The following SLC9B1 variants were observed in gnomAD, a reference collection of about 807,000 sequenced individuals.
The protein encoded by SLC9B1 is solute carrier family 9 member B1, also known as sodium/hydrogen exchanger 9B1.
Under a neutral mutation model 51.7 loss-of-function variants are expected in SLC9B1, and 32 were observed. The observed-to-expected ratio is 0.62, with a 90% CI of 0.47 to 0.83. SLC9B1 has a LOEUF of 0.83. Among genes scored for constraint, SLC9B1 ranks in the 40% least tolerant of loss-of-function variants. The pLI, the probability that SLC9B1 is intolerant of heterozygous loss-of-function variation, is 0.00. For missense variants in SLC9B1, 406 were observed against 613.2 expected (o/e 0.66, Z 3.57); for synonymous variants, 145 against 212.7 (o/e 0.68, Z 2.77).
At chr4:102,925,489 C>T (rs977832426) in intron 7 of SLC9B1, among the ~76,000 whole-genome samples, 1 of 151,906 alleles carries the variant, frequency 6.6e-6, no homozygotes, top group African/African-American at 2.4e-5. Context: ...CAATATGGCA[C>T]ATGTATGCAT....
intron 3 of SLC9B1, among the ~76,000 whole-genome samples, chr4:102,963,769 A>C (rs1280868091): frequency 6.6e-6 from 1 of 152,244 alleles, no homozygotes; most frequent in Non-Finnish European, 1.5e-5. Flanking sequence ...CTTAAAATAC[A>C]AAAAACCAAT....
intron 1 of SLC9B1, among the ~76,000 whole-genome samples, chr4:103,002,663 T>C (rs1187888630): frequency 1.3e-5 from 2 of 152,198 alleles, no homozygotes; most frequent in Non-Finnish European, 2.9e-5. Context: ...AAATAGCCCA[T>C]TGGAAATCAA....
chr4:102,980,962 G>C (rs1473840102), intron 3 of SLC9B1, among the ~76,000 whole-genome samples: 2 of 152,004 alleles, frequency 1.3e-5, no homozygotes, highest in African/African-American at 4.8e-5. Context: ...ATACAAAATA[G>C]TTTCACTGCC....
intron 1 of SLC9B1, among the ~76,000 whole-genome samples, chr4:102,994,642 A>G (rs1238476114): frequency 2.6e-5 from 4 of 152,134 alleles, no homozygotes; most frequent in Non-Finnish European, 5.9e-5. Flanking sequence ...AATACCCGAG[A>G]CTGGGTAATT....
chr4:102,990,348 A>C (rs927661700), intron 2 of SLC9B1, among the ~76,000 whole-genome samples: 1 of 152,094 alleles, frequency 6.6e-6, no homozygotes, highest in African/African-American at 2.4e-5. Flanking sequence ...TCATTTGATA[A>C]ATTTATATAA....
At chr4:102,939,285 G>T (rs1341983248) in intron 6 of SLC9B1, among the ~76,000 whole-genome samples, 1 of 151,192 alleles carries the variant, frequency 6.6e-6, no homozygotes. Context: ...GAACACCTAT[G>T]AGAAATTGGT....
chr4:102,981,544 A>C (rs1405422983), intron 3 of SLC9B1, among the ~76,000 whole-genome samples: 1 of 152,160 alleles, frequency 6.6e-6, no homozygotes, highest in Non-Finnish European at 1.5e-5. Flanking sequence ...GATTATGGCC[A>C]TCCTAATAGG....
intron 3 of SLC9B1, among the ~76,000 whole-genome samples, chr4:102,985,568 G>C (rs938885915): frequency 1.3e-5 from 2 of 151,562 alleles, no homozygotes; most frequent in Non-Finnish European, 2.9e-5. Flanking sequence ...CTTTTGCCCA[G>C]GCTGGAGTGC....
chr4:102,896,300 G>C (rs1734533818), downstream of SLC9B1, among the ~76,000 whole-genome samples: 1 of 151,918 alleles, frequency 6.6e-6, no homozygotes, highest in Non-Finnish European at 1.5e-5. Context: ...CCTTCCCCAG[G>C]ATACAAACCT....
intron 3 of SLC9B1, among the ~76,000 whole-genome samples, chr4:102,950,413 T>G (rs1407979577): frequency 6.6e-6 from 1 of 152,182 alleles, no homozygotes; most frequent in African/African-American, 2.4e-5. Flanking sequence ...ATCCATAGGT[T>G]TCTATAAAGG....
At chr4:103,003,150 ACACTTGGATAATT>A (rs1251829162) in intron 1 of SLC9B1, among the ~76,000 whole-genome samples, 1 of 152,080 alleles carries the variant, frequency 6.6e-6, no homozygotes, top group African/African-American at 2.4e-5. Flanking sequence ...TTCATCTTAC[ACACTTGGATAATT>A]CATCTACTAT....
chr4:103,016,904 A>G (rs764298376), intron 1 of SLC9B1: 1 of 152,066 alleles, frequency 6.6e-6, no homozygotes, highest in Non-Finnish European at 1.5e-5. Flanking sequence ...GTAGTTTTCC[A>G]TATGCTGGTG....
At chr4:103,004,782 C>G (rs1002421294) in intron 1 of SLC9B1, among the ~76,000 whole-genome samples, 9 of 152,290 alleles carry the variant, frequency 5.9e-5, no homozygotes, top group African/African-American at 1.9e-4. Context: ...GGCCTATATT[C>G]AGCATTCTTA....
rs191880549 is a variant in SLC9B1 at position 102,957,149 on chromosome 4, G to A, written c.212-7722C>T. On this transcript the variant is annotated intron_variant, in intron 3 of 11. Coordinates refer to ENST00000296422, the MANE Select transcript of SLC9B1 (RefSeq NM_139173.4). Reference sequence around the variant, plus strand: ...CTGAAGAACAAAAAGAAAAAAGAACGAAGAATAATAAACAGATCCTCAGAA... The same window carrying A: ...CTGAAGAACAAAAAGAAAAAAGAACAAAGAATAATAAACAGATCCTCAGAA... Among the ~76,000 whole-genome samples the A allele has an allele frequency of 5.1e-3, 773 of 152,124 alleles. 5 individuals are homozygous for A. The highest frequency in any genetic ancestry group is 0.01 in the Middle Eastern group (3 of 292).
intron 3 of SLC9B1, among the ~76,000 whole-genome samples, chr4:102,959,233 TATAC>T (rs1272180169): frequency 4.6e-5 from 5 of 109,816 alleles, no homozygotes; most frequent in Admixed American, 9.6e-5. Context: ...TACATATATA[TATAC>T]ACACACACAC....
At chr4:102,893,301 A>AAAAAG (rs1734362385) in intron 11 of SLC9B1, among the ~76,000 whole-genome samples, 1 of 147,272 alleles carries the variant, frequency 6.8e-6, no homozygotes, top group African/African-American at 2.6e-5. Flanking sequence ...AAAAAAAAAA[A>AAAAAG]AAAAGAAAAA....
chr4:102,992,898 T>G (rs1215204867), intron 1 of SLC9B1, among the ~76,000 whole-genome samples: 1 of 152,160 alleles, frequency 6.6e-6, no homozygotes, highest in East Asian at 1.9e-4. Context: ...AGGGGACCTC[T>G]TCACAGGGTG....
chr4:102,977,090 C>T (rs1270858023), intron 3 of SLC9B1, among the ~76,000 whole-genome samples: 1 of 151,784 alleles, frequency 6.6e-6, no homozygotes, highest in Non-Finnish European at 1.5e-5. Flanking sequence ...GTCAAGGTTG[C>T]AGTGAGTTGT....
At chr4:102,985,051 T>G (rs1336047128) in intron 3 of SLC9B1, among the ~76,000 whole-genome samples, 1 of 152,166 alleles carries the variant, frequency 6.6e-6, no homozygotes, top group Admixed American at 6.5e-5. Flanking sequence ...TTTTGAAAAA[T>G]TAACCCTTTT....
Sources: gnomAD v4.1 joint callset for allele counts (sites outside exome capture counted in the v4.1 genomes callset) on GRCh38, gnomAD v4.1.1 for gene constraint, MANE v1.5 for transcripts, NCBI Gene and HGNC (gene_info 2026-07-23, HGNC 2026-07-21) for gene names.